OPHN1: variants seen among roughly 807,000 people sequenced by gnomAD.
OPHN1 encodes the protein oligophrenin 1.
A neutral mutation model predicts 60.7 loss-of-function variants in OPHN1; 11 were observed. The ratio of observed to expected loss-of-function variants is 0.18; its 90% CI spans 0.11 to 0.30. The LOEUF is 0.30. Among genes scored for constraint, OPHN1 ranks in the 10% least tolerant of loss-of-function variants. The pLI is 1.00. For synonymous variants in OPHN1, 226 were observed against 222.6 expected (o/e 1.02, Z -0.14); for missense variants, 449 against 611.0 (o/e 0.73, Z 2.80).
At chrX:68,432,044 TC>T (rs1316805056) in intron 2 of OPHN1, among the ~76,000 whole-genome samples, 2 of 110,004 alleles carry the variant, frequency 1.8e-5, no homozygotes, top group East Asian at 5.7e-4. Context: ...ACTCCAAGCC[TC>T]CTACCAACAA....
chrX:68,052,862 C>T (rs188628411), intron 22 of OPHN1, among the ~76,000 whole-genome samples: 85 of 112,597 alleles, frequency 7.5e-4, no homozygotes, highest in Non-Finnish European at 1.4e-3. Context: ...TAAATGAAAC[C>T]AGTCTTGATT....
intron 6 of OPHN1, among the ~76,000 whole-genome samples, chrX:68,220,277 T>C (rs1419293736): frequency 1.9e-5 from 2 of 107,506 alleles, no homozygotes; most frequent in African/African-American, 6.7e-5. Flanking sequence ...GCTGAAATTG[T>C]GGCAATAATC....
Position 68,269,569 on chromosome X carries a change from C to T in OPHN1, c.384+5169G>A, listed in dbSNP as rs1330329191. ...GCTGAAACTGGATCCCTTCCTTACA[C>T]CTTATACAAAAATTAATTCAAGATG... On this transcript the variant is annotated intron_variant, in intron 5 of 24. Transcript: ENST00000355520. Among the ~76,000 whole-genome samples the T allele has an allele frequency of 7.2e-5, 8 of 111,612 alleles. No individual in the cohort carries two copies. The East Asian group carries it at 2.2e-3, about 31-fold the overall frequency.
At chrX:68,216,824 A>G (rs1440468786) in intron 6 of OPHN1, among the ~76,000 whole-genome samples, 7 of 111,964 alleles carry the variant, frequency 6.3e-5, no homozygotes, top group Admixed American at 9.5e-5. Context: ...TGGGCAAACG[A>G]CATGAACAGA....
chrX:68,241,523 AAAC>A (rs2077780286), intron 5 of OPHN1, among the ~76,000 whole-genome samples: 1 of 112,302 alleles, frequency 8.9e-6, no homozygotes, highest in Admixed American at 9.5e-5. Flanking sequence ...AAAAGTTACA[AAAC>A]AGAACGCTAT....
chrX:68,227,739 G>A (rs1244729882), intron 6 of OPHN1, among the ~76,000 whole-genome samples: 3 of 111,146 alleles, frequency 2.7e-5, no homozygotes, highest in Non-Finnish European at 5.7e-5. Flanking sequence ...CAGAATCTCT[G>A]GGACACAGTT....
intron 2 of OPHN1, among the ~76,000 whole-genome samples, chrX:68,397,547 G>C (rs192385546): frequency 2.6e-5 from 2 of 77,031 alleles, no homozygotes; most frequent in East Asian, 9.6e-4. Context: ...TTTTGAAACA[G>C]AGTCTCACTC....
At chrX:68,071,367 G>T in intron 20 of OPHN1, 1 of 717,982 alleles carries the variant, frequency 1.4e-6, no homozygotes, top group Non-Finnish European at 2.2e-6. Flanking sequence ...CTTGTTCCCA[G>T]AGTTTTCCCT....
intron 6 of OPHN1, among the ~76,000 whole-genome samples, chrX:68,218,872 T>C (rs2077633786): frequency 1.1e-5 from 1 of 92,037 alleles, no homozygotes; most frequent in Admixed American, 1.2e-4. Context: ...CTCCATCAAC[T>C]AACGAGCAAA....
chrX:68,388,156 G>A (rs889941101), intron 2 of OPHN1, among the ~76,000 whole-genome samples: 3 of 103,092 alleles, frequency 2.9e-5, no homozygotes, highest in Middle Eastern at 4.3e-3. Flanking sequence ...AAAGGGTCTC[G>A]TATGCCTATT....
intron 5 of OPHN1, among the ~76,000 whole-genome samples, chrX:68,265,797 G>C (rs1414824306): frequency 9.0e-6 from 1 of 111,042 alleles, no homozygotes; most frequent in African/African-American, 3.3e-5. Flanking sequence ...TTAGATGAAT[G>C]GCTAACTAGA....
At chrX:68,309,352 C>T (rs2078161783) in intron 2 of OPHN1, among the ~76,000 whole-genome samples, 2 of 111,298 alleles carry the variant, frequency 1.8e-5, no homozygotes, top group South Asian at 7.6e-4. Context: ...TATCTTCCTC[C>T]TAATCCAAAT....
intron 5 of OPHN1, among the ~76,000 whole-genome samples, chrX:68,237,049 G>T (rs1042868511): frequency 8.9e-6 from 1 of 111,901 alleles, no homozygotes; most frequent in Admixed American, 9.5e-5. Flanking sequence ...GCAGCAGTGC[G>T]ATCTCGGCTC....
chrX:68,210,010 TCA>T lies in OPHN1; in HGVS notation c.832+141_832+142del. 4 of 577,312 alleles carry T rather than the reference TCA, an allele frequency of 6.9e-6. No individual in the cohort carries two copies. The Admixed American group carries it at 8.6e-5, about 12-fold the overall frequency. The allele number at this position is 577,312 out of a possible 1,213,427, so 47.6% of individuals were successfully genotyped here. On this transcript the variant is annotated intron_variant, in intron 9 of 24. Coordinates refer to ENST00000355520, the MANE Select transcript of OPHN1 (RefSeq NM_002547.3). ...GTTTCTCCTTTTTTTTTTTTTGTTT[TCA>T]GTATTCCCTGCCTGCGTTCCAAGGG...
rs780590661 is a variant in OPHN1 at position 68,045,321 on chromosome X, C to T, written c.*1851G>A. 3 of 112,177 alleles carry T rather than the reference C, an allele frequency of 2.7e-5. No homozygotes were observed. The highest frequency in any genetic ancestry group is 3.2e-5 in the African/African-American group (1 of 30,862). The allele number at this position is 112,177 out of a possible 1,213,427, so 9.2% of individuals were successfully genotyped here. On this transcript the variant is annotated 3_prime_UTR_variant, in exon 25 of 25. Coordinates refer to ENST00000355520, the MANE Select transcript of OPHN1 (RefSeq NM_002547.3). The stretch of plus-strand genomic sequence containing the variant: ...TCAAAAAGGCTCTCAGTGTACTTGG[C>T]CTTACATGTTCCTAACTCACCAATA...
At chrX:68,085,763 A>C in intron 19 of OPHN1, among the ~76,000 whole-genome samples, 1 of 112,237 alleles carries the variant, frequency 8.9e-6, no homozygotes, top group Non-Finnish European at 1.9e-5. Context: ...GGGAGTTAGA[A>C]TAGGTCCAAG....
rs777085282 is a variant in OPHN1 at position 68,052,533 on chromosome X, A to T, written c.2375+7T>A. 1 of 1,203,915 alleles carries T rather than the reference A, an allele frequency of 8.3e-7. No individual in the cohort carries two copies. The highest frequency in any genetic ancestry group is 1.1e-6 in the Non-Finnish European group (1 of 890,971). ...TTGGTTTTTCTTTTGTCACCTCCAT[A>T]TCTTACCTTCCTGTTTTCCGGGAAG... On this transcript the variant is annotated splice_region_variant and intron_variant, in intron 23 of 24. Transcript: ENST00000355520.
intron 2 of OPHN1, among the ~76,000 whole-genome samples, chrX:68,413,262 A>G (rs5965573): frequency 0.053 from 5,908 of 111,675 alleles, 407 homozygotes; most frequent in African/African-American, 0.18. Context: ...GGATGTCTGT[A>G]TATTCTGTGA....
At chrX:68,186,990 T>C (rs2077465479) in intron 15 of OPHN1, among the ~76,000 whole-genome samples, 2 of 111,846 alleles carry the variant, frequency 1.8e-5, no homozygotes, top group African/African-American at 6.5e-5. Context: ...CATATGCCAA[T>C]GAAAGGAATT....
Sources: gnomAD v4.1 joint callset for allele counts (sites outside exome capture counted in the v4.1 genomes callset) on GRCh38, gnomAD v4.1.1 for gene constraint, MANE v1.5 for transcripts, NCBI Gene and HGNC (gene_info 2026-07-23, HGNC 2026-07-21) for gene names.